The following SMAD9 variants were observed in gnomAD, a reference collection of about 807,000 sequenced individuals.
The protein encoded by SMAD9 is MAD homolog 9.
SMAD9 carries 36 observed loss-of-function variants against 46.1 expected under a neutral mutation model. That is an observed-to-expected ratio of 0.78 (90% CI 0.60 to 1.03). SMAD9 has a LOEUF of 1.03. SMAD9 is among the 50% of genes least tolerant of loss of function. SMAD9 has a pLI of 0.00. For missense variants in SMAD9, 572 were observed against 599.8 expected (o/e 0.95, Z 0.48); for synonymous variants, 245 against 237.1 (o/e 1.03, Z -0.31).
chr13:36,912,854 G>C (rs983265134), intron 1 of SMAD9, among the ~76,000 whole-genome samples: 1 of 152,078 alleles, frequency 6.6e-6, no homozygotes, highest in Non-Finnish European at 1.5e-5. Flanking sequence ...TTCACACACA[G>C]AAAATACGGA....
At position 36,918,770 on chromosome 13, in the gene SMAD9, T is replaced by C. The variant is rs1455242898; in HGVS notation, c.-187+1346A>G. Among the ~76,000 whole-genome samples, 4 of 152,340 alleles carry C rather than the reference T, an allele frequency of 2.6e-5. No individual in the cohort carries two copies. In the South Asian group the frequency reaches 6.2e-4, roughly 24 times the overall value. ...TAAATATAGATCACTATTTTTAAAA[T>C]GTAAACATCCAAAGGCATTCCCTCA... On this transcript the variant is annotated intron_variant, in intron 1 of 6. Coordinates refer to ENST00000379826, the MANE Select transcript of SMAD9 (RefSeq NM_001127217.3).
At chr13:36,897,879 C>CA (rs1365900018) in intron 1 of SMAD9, among the ~76,000 whole-genome samples, 4 of 109,934 alleles carry the variant, frequency 3.6e-5, no homozygotes, top group Admixed American at 2.5e-4. Context: ...TTTTTTGAGA[C>CA]AGAGTCTCGC....
chr13:36,871,470 A>T (rs1430641533), intron 3 of SMAD9, among the ~76,000 whole-genome samples: 1 of 152,184 alleles, frequency 6.6e-6, no homozygotes, highest in Non-Finnish European at 1.5e-5. Context: ...GTAAGCCAGG[A>T]TCATGCCACT....
intron 1 of SMAD9, among the ~76,000 whole-genome samples, chr13:36,886,617 A>G (rs1410728021): frequency 6.6e-6 from 1 of 152,272 alleles, no homozygotes; most frequent in East Asian, 1.9e-4. Context: ...GTGGGGAGCA[A>G]AGCAGACATG....
intron 5 of SMAD9, among the ~76,000 whole-genome samples, chr13:36,864,499 TCTCCC>T (rs1369724592): frequency 6.6e-6 from 1 of 152,196 alleles, no homozygotes; most frequent in Admixed American, 6.5e-5. Context: ...TCTGGATTCT[TCTCCC>T]CTCCCCTCGA....
chr13:36,860,769 G>C (rs1363762503), intron 5 of SMAD9, among the ~76,000 whole-genome samples: 1 of 151,874 alleles, frequency 6.6e-6, no homozygotes, highest in Admixed American at 6.6e-5. Flanking sequence ...GTGTCTCTTA[G>C]ATATTAGGTA....
At chr13:36,892,490 A>T (rs1260463531) in intron 1 of SMAD9, among the ~76,000 whole-genome samples, 1 of 152,204 alleles carries the variant, frequency 6.6e-6, no homozygotes, top group Admixed American at 6.5e-5. Flanking sequence ...TCAGATATTA[A>T]AAACCACATT....
At chr13:36,917,776 G>A (rs1195686578) in intron 1 of SMAD9, among the ~76,000 whole-genome samples, 3 of 152,086 alleles carry the variant, frequency 2.0e-5, no homozygotes, top group Non-Finnish European at 4.4e-5. Context: ...TATTACAGAG[G>A]GAATGTCAGA....
intron 1 of SMAD9, among the ~76,000 whole-genome samples, chr13:36,901,657 G>GC (rs1306112335): frequency 6.6e-6 from 1 of 152,062 alleles, no homozygotes; most frequent in Non-Finnish European, 1.5e-5. Flanking sequence ...TGAACTCCTA[G>GC]CCTCAAATGA....
chr13:36,879,203 C>T, intron 2 of SMAD9, 75 bp downstream of exon 2: 4 of 1,259,050 alleles, frequency 3.2e-6, no homozygotes, highest in Non-Finnish European at 4.6e-6. Context: ...TCTGCTGGTG[C>T]CCCATCATTC....
chr13:36,902,826 C>T (rs1482946495), intron 1 of SMAD9, among the ~76,000 whole-genome samples: 1 of 152,146 alleles, frequency 6.6e-6, no homozygotes, highest in Non-Finnish European at 1.5e-5. Context: ...TTCCCTAGCA[C>T]AATACGGCCT....
intron 5 of SMAD9, among the ~76,000 whole-genome samples, chr13:36,857,763 A>T (rs1249837754): frequency 6.6e-6 from 1 of 152,112 alleles, no homozygotes; most frequent in African/African-American, 2.4e-5. Context: ...GAGGGAGGCA[A>T]AAAGATCACC....
At chr13:36,919,810 C>G in intron 1 of SMAD9, among the ~76,000 whole-genome samples, 1 of 150,760 alleles carries the variant, frequency 6.6e-6, no homozygotes, top group Non-Finnish European at 1.5e-5. Flanking sequence ...CAGTCCCCTC[C>G]GGCCCCGCGC....
intron 1 of SMAD9, among the ~76,000 whole-genome samples, chr13:36,902,122 T>G (rs1171375384): frequency 6.6e-6 from 1 of 152,190 alleles, no homozygotes; most frequent in African/African-American, 2.4e-5. Context: ...AGCTCTTATG[T>G]TTAGGTTATT....
At chr13:36,889,688 T>C (rs1327609329) in intron 1 of SMAD9, among the ~76,000 whole-genome samples, 1 of 152,210 alleles carries the variant, frequency 6.6e-6, no homozygotes, top group African/African-American at 2.4e-5. Context: ...AATGTGTTTA[T>C]AAAACATCCC....
At chr13:36,868,686 C>CTG (rs368050787) in intron 3 of SMAD9, among the ~76,000 whole-genome samples, 110 of 152,220 alleles carry the variant, frequency 7.2e-4, no homozygotes, top group African/African-American at 2.5e-3. Context: ...TGAGCTATGA[C>CTG]TGTGCCCCCA....
chr13:36,866,613 T>C (rs1429520479), intron 4 of SMAD9, among the ~76,000 whole-genome samples: 1 of 152,212 alleles, frequency 6.6e-6, no homozygotes, highest in Non-Finnish European at 1.5e-5. Flanking sequence ...GGGGTTATTA[T>C]TTCTCTTACA....
At chr13:36,894,287 C>T (rs2058511112) in intron 1 of SMAD9, among the ~76,000 whole-genome samples, 1 of 152,056 alleles carries the variant, frequency 6.6e-6, no homozygotes, top group Non-Finnish European at 1.5e-5. Flanking sequence ...ATACTGTTCT[C>T]TTGGTAGTGA....
chr13:36,850,655 A>G (rs2058067043), intron 6 of SMAD9, among the ~76,000 whole-genome samples: 1 of 152,232 alleles, frequency 6.6e-6, no homozygotes, highest in Admixed American at 6.5e-5. Context: ...CTGGGATTAC[A>G]GGCATGAGCC....
Sources: allele counts gnomAD v4.1 joint callset (sites outside exome capture counted in the v4.1 genomes callset), GRCh38; gene constraint gnomAD v4.1.1; transcripts MANE v1.5; gene names NCBI Gene and HGNC (gene_info 2026-07-23, HGNC 2026-07-21).